Variants in ARMC9 observed in about 807,000 individuals in gnomAD.
ARMC9 encodes the protein armadillo repeat containing 9, also known as lisH domain-containing protein ARMC9.
In ARMC9, 94 loss-of-function variants were observed where a neutral mutation model predicts 107.0. The observed-to-expected ratio is 0.88, with a 90% CI of 0.74 to 1.04. The LOEUF (loss-of-function observed/expected upper bound fraction) is 1.04, where lower values mean the gene tolerates loss of function less well. Ranked by LOEUF, ARMC9 falls within the 50% of genes least tolerant of loss-of-function variation. The pLI, the probability that ARMC9 is intolerant of heterozygous loss-of-function variation, is 0.00. For missense variants in ARMC9, 942 were observed against 1,030.1 expected, an observed-to-expected ratio of 0.91 and a Z score of 1.17; for synonymous variants, 380 against 396.9, an observed-to-expected ratio of 0.96 and a Z score of 0.51.
chr2:231,223,290 C>T (rs887565250), intron 6 of ARMC9, among the ~76,000 whole-genome samples: 21 of 152,060 alleles, frequency 1.4e-4, no homozygotes, highest in Non-Finnish European at 2.4e-4. Flanking sequence ...CAATTTAATG[C>T]TTTTTGGCAA....
intron 17 of ARMC9, among the ~76,000 whole-genome samples, chr2:231,284,077 G>A (rs563467406): frequency 6.6e-6 from 1 of 152,264 alleles, no homozygotes; most frequent in African/African-American, 2.4e-5. Flanking sequence ...GTCAACAAAA[G>A]ACTGCATATG....
At chr2:231,369,687 A>C (rs996720143) in intron 23 of ARMC9, among the ~76,000 whole-genome samples, 1 of 150,294 alleles carries the variant, frequency 6.7e-6, no homozygotes, top group Non-Finnish European at 1.5e-5. Flanking sequence ...ACCTCCTCCC[A>C]GGTTCAAGCG....
chr2:231,288,903 G>A (rs969598263), intron 17 of ARMC9, among the ~76,000 whole-genome samples: 1 of 152,220 alleles, frequency 6.6e-6, no homozygotes, highest in African/African-American at 2.4e-5. Flanking sequence ...GCTTCTCTAT[G>A]ATTATCTTTA....
chr2:231,211,670 T>G (rs925829918), intron 3 of ARMC9, among the ~76,000 whole-genome samples: 1 of 152,242 alleles, frequency 6.6e-6, no homozygotes, highest in Non-Finnish European at 1.5e-5. Context: ...TTTGAGGAAT[T>G]GCCAAGCTGT....
At chr2:231,287,229 T>C (rs2040657610) in intron 17 of ARMC9, among the ~76,000 whole-genome samples, 1 of 152,162 alleles carries the variant, frequency 6.6e-6, no homozygotes. Context: ...CTGCCTCCGC[T>C]CTCTCCAGAG....
intron 3 of ARMC9, 38 bp downstream of exon 3, chr2:231,208,290 C>A: frequency 1.3e-6 from 2 of 1,500,238 alleles, no homozygotes; most frequent in South Asian, 1.2e-5. Context: ...GTAGATAATT[C>A]AGGATGCTCC....
intron 19 of ARMC9, among the ~76,000 whole-genome samples, chr2:231,302,544 G>T (rs1343574789): frequency 6.8e-6 from 1 of 147,434 alleles, no homozygotes; most frequent in African/African-American, 2.5e-5. Context: ...TTGATTGAAG[G>T]ACATAAAGAA....
intron 19 of ARMC9, among the ~76,000 whole-genome samples, chr2:231,324,866 G>T (rs1404085307): frequency 6.6e-6 from 1 of 151,936 alleles, no homozygotes; most frequent in Non-Finnish European, 1.5e-5. Context: ...TTGAGCCCAG[G>T]AGTTCAAGTC....
intron 20 of ARMC9, among the ~76,000 whole-genome samples, chr2:231,338,585 G>T (rs1234677032): frequency 6.8e-6 from 1 of 147,044 alleles, no homozygotes; most frequent in African/African-American, 2.6e-5. Context: ...TGTCACACAG[G>T]CTGGAATGCG....
chr2:231,245,252 A>T (rs969043424), intron 9 of ARMC9, among the ~76,000 whole-genome samples: 1 of 152,224 alleles, frequency 6.6e-6, no homozygotes, highest in Non-Finnish European at 1.5e-5. Context: ...ATTTTATATT[A>T]TCATCAACTT....
chr2:231,240,253 G>A (rs183505436), intron 9 of ARMC9: 7 of 567,004 alleles, frequency 1.2e-5, no homozygotes, highest in East Asian at 1.2e-4. Flanking sequence ...GGAGAGAGGC[G>A]TGTTCTGCCT....
At position 231,222,715 on chromosome 2, in the gene ARMC9, C is replaced by T. The variant is rs779905080; in HGVS notation, c.505-13C>T. ...AATCTAATGTTTGTATTTTTGTTCC[C>T]TTTTTTCTTTAGGATTCCTGGACTC... On this transcript the variant is annotated splice_polypyrimidine_tract_variant and intron_variant, in intron 5 of 24. Transcript: ENST00000611582. The T allele has an allele frequency of 2.1e-6, 3 of 1,434,580 alleles. No individual in the cohort carries two copies. Among genetic ancestry groups the T allele is most frequent in the Admixed American group, 3.6e-5 (2 of 55,258 alleles). The allele number at this position is 1,434,580 out of a possible 1,614,324, so 88.9% of individuals were successfully genotyped here.
At chr2:231,366,768 G>T (rs1234796408) in intron 23 of ARMC9, among the ~76,000 whole-genome samples, 1 of 151,476 alleles carries the variant, frequency 6.6e-6, no homozygotes, top group Non-Finnish European at 1.5e-5. Context: ...TTGAACCCAT[G>T]AGGCGGAGGT....
Position 231,352,661 on chromosome 2 carries a change from G to GGATAGATA in ARMC9, c.1995-3097_1995-3090dup, listed in dbSNP as rs150058513. Among the ~76,000 whole-genome samples the GGATAGATA allele has an allele frequency of 6.1e-4, 89 of 145,288 alleles. 1 individual carries two copies. The highest frequency in any genetic ancestry group is 1.6e-3 in the East Asian group (8 of 4,950). ...ACTGAGAAATAATCAGATGTTCACA[G>GGATAGATA]GATAGATAGATAGATAGATAGATAG... is the stretch of plus-strand genomic sequence containing the variant. On this transcript the variant is annotated intron_variant, in intron 21 of 24. Transcript: ENST00000611582.
rs1169038105 is a variant in ARMC9, at chr2:231,270,872, A to G, written c.1120-110A>G. 5 of 888,948 alleles carry G rather than the reference A, an allele frequency of 5.6e-6. No homozygotes were observed. The East Asian group carries it at 7.9e-5, about 14-fold the overall frequency. 55.1% of individuals were successfully genotyped at this position (888,948 alleles called of 1,614,324 possible). On this transcript the variant is annotated intron_variant, in intron 12 of 24. Coordinates refer to ENST00000611582, the MANE Select transcript of ARMC9 (RefSeq NM_001352754.2). ...TGTTTGGCTTTAGTCTGTTTATTTC[A>G]CCTCTAATAAATTCAGGCAGAGGAA...
intron 19 of ARMC9, among the ~76,000 whole-genome samples, chr2:231,310,036 C>T (rs2042247273): frequency 6.6e-6 from 1 of 152,148 alleles, no homozygotes; most frequent in Non-Finnish European, 1.5e-5. Flanking sequence ...AAGCAATGCA[C>T]CATACTCGGT....
intron 20 of ARMC9, among the ~76,000 whole-genome samples, chr2:231,338,372 A>G (rs2125571383): frequency 6.6e-6 from 1 of 151,932 alleles, no homozygotes; most frequent in East Asian, 1.9e-4. Flanking sequence ...CTACAGGCGT[A>G]TGTGCCACTA....
chr2:231,316,240 C>T (rs1366290878), intron 19 of ARMC9, among the ~76,000 whole-genome samples: 1 of 151,186 alleles, frequency 6.6e-6, no homozygotes, highest in Non-Finnish European at 1.5e-5. Flanking sequence ...TAATGCTGGT[C>T]TCTTAACAAC....
chr2:231,370,281 C>G (rs1016336960), intron 24 of ARMC9, among the ~76,000 whole-genome samples, 156 bp downstream of exon 24: 1 of 152,226 alleles, frequency 6.6e-6, no homozygotes, highest in Non-Finnish European at 1.5e-5. Flanking sequence ...ACAACCAGGC[C>G]CCAGCAGGTG....
Sources: allele counts gnomAD v4.1 joint callset (sites outside exome capture counted in the v4.1 genomes callset), GRCh38; gene constraint gnomAD v4.1.1; transcripts MANE v1.5; gene names NCBI Gene and HGNC (gene_info 2026-07-23, HGNC 2026-07-21).